HDAC9: variants seen among roughly 807,000 people sequenced by gnomAD.
HDAC9 encodes the protein MEF-2 interacting transcription repressor (MITR) protein.
Under a neutral mutation model 139.4 loss-of-function variants are expected in HDAC9, and 41 were observed. The observed-to-expected ratio is 0.29, with a 90% CI of 0.23 to 0.38. The LOEUF is 0.38. HDAC9 is among the 10% of genes least tolerant of loss of function. The probability of loss-of-function intolerance (pLI) is 1.00; values close to 1 mark genes in which losing one functional copy is unlikely to be tolerated. For synonymous variants in HDAC9, 517 were observed against 476.2 expected (o/e 1.09, Z -1.12); for missense variants, 1,147 against 1,297.0 (o/e 0.88, Z 1.78).
chr7:18,506,682 A>G (rs576393032), intron 2 of HDAC9, among the ~76,000 whole-genome samples: 1 of 152,306 alleles, frequency 6.6e-6, no homozygotes, highest in Admixed American at 6.5e-5. Context: ...GAAAAAGGCA[A>G]GTATACATCA....
At chr7:18,920,672 A>T (rs1177062544) in intron 22 of HDAC9, among the ~76,000 whole-genome samples, 1 of 152,114 alleles carries the variant, frequency 6.6e-6, no homozygotes. Flanking sequence ...TGTCCCATCA[A>T]TACCTAATTT....
Position 18,836,806 on chromosome 7 carries a change from T to A in HDAC9, c.2684+809T>A, listed in dbSNP as rs7802878. Among the ~76,000 whole-genome samples the A allele has an allele frequency of 7.3e-3, 1,111 of 152,126 alleles. 16 individuals carry two copies. The highest frequency in any genetic ancestry group is 0.026 in the African/African-American group (1,059 of 41,526). On this transcript the variant is annotated intron_variant, in intron 21 of 25. Coordinates refer to ENST00000686413, the MANE Select transcript of HDAC9 (RefSeq NM_178425.4). ...ACCTGAGGAGCCTCCCTTGCAAGAT[T>A]TTTGGAAGAGGTTTTAGCCTATTGG... is the stretch of plus-strand genomic sequence containing the variant.
intron 2 of HDAC9, among the ~76,000 whole-genome samples, chr7:18,544,383 G>A (rs979988085): frequency 6.6e-6 from 1 of 152,200 alleles, no homozygotes; most frequent in Non-Finnish European, 1.5e-5. Context: ...GTTTAAGAAT[G>A]AAAACATGTT....
intron 2 of HDAC9, among the ~76,000 whole-genome samples, chr7:18,570,905 T>C (rs890613728): frequency 1.3e-5 from 2 of 152,248 alleles, no homozygotes; most frequent in African/African-American, 2.4e-5. Context: ...CTGTTACTCT[T>C]TGTGCTTACC....
chr7:18,547,382 C>A (rs1206407709), intron 2 of HDAC9, among the ~76,000 whole-genome samples: 1 of 152,160 alleles, frequency 6.6e-6, no homozygotes, highest in African/African-American at 2.4e-5. Flanking sequence ...ACTACAGGCA[C>A]CTGCAACCCC....
chr7:18,886,270 G>A (rs1800143332), intron 22 of HDAC9, among the ~76,000 whole-genome samples: 1 of 152,126 alleles, frequency 6.6e-6, no homozygotes, highest in Non-Finnish European at 1.5e-5. Context: ...TTTAGTTACT[G>A]ATGTCATGAA....
chr7:18,976,044 C>A, intron 25 of HDAC9, 91 bp downstream of exon 25: 1 of 1,324,802 alleles, frequency 7.5e-7, no homozygotes, highest in Non-Finnish European at 1.0e-6. Context: ...TTTCCTTCAC[C>A]TGTCTCCTCC....
chr7:18,217,799 A>G (rs2128173123), intron 2 of HDAC9, among the ~76,000 whole-genome samples: 1 of 152,312 alleles, frequency 6.6e-6, no homozygotes, highest in South Asian at 2.1e-4. Context: ...CTATGTAACA[A>G]TTACCCTAAA....
intron 1 of HDAC9, among the ~76,000 whole-genome samples, chr7:18,114,933 A>G (rs1168470358): frequency 6.6e-6 from 1 of 152,192 alleles, no homozygotes; most frequent in Non-Finnish European, 1.5e-5. Context: ...ATTTAAGGCA[A>G]CCATTTGTTC....
intron 1 of HDAC9, among the ~76,000 whole-genome samples, chr7:18,408,192 G>C (rs1562959352): frequency 6.6e-6 from 1 of 152,094 alleles, no homozygotes; most frequent in Non-Finnish European, 1.5e-5. Flanking sequence ...AGCAAATATT[G>C]AAGAACCAAC....
At chr7:18,596,417 G>A (rs1366321017) in intron 6 of HDAC9, among the ~76,000 whole-genome samples, 1 of 152,064 alleles carries the variant, frequency 6.6e-6, no homozygotes. Context: ...TCCATTTGGT[G>A]TATTTCCAAT....
At chr7:18,762,826 T>C (rs1205822163) in intron 15 of HDAC9, among the ~76,000 whole-genome samples, 1 of 152,164 alleles carries the variant, frequency 6.6e-6, no homozygotes, top group East Asian at 1.9e-4. Context: ...AGAAAACTAA[T>C]AAACAGTTTT....
intron 2 of HDAC9, among the ~76,000 whole-genome samples, chr7:18,558,532 A>C (rs924088496): frequency 1.3e-5 from 2 of 152,154 alleles, no homozygotes; most frequent in South Asian, 4.1e-4. Flanking sequence ...GGTTCTGATA[A>C]TGCTTGGTTC....
rs564033970 is a variant in HDAC9 at position 18,428,129 on chromosome 7, C to A, written c.-41-68133C>A. On this transcript the variant is annotated intron_variant, in intron 1 of 3. Transcript: ENST00000413509. Reference sequence around the variant, plus strand: ...ATACCACATTTTAAAAATGTACATTCATCTGTCAGTGTACATTTATATTTT... The same window carrying A: ...ATACCACATTTTAAAAATGTACATTAATCTGTCAGTGTACATTTATATTTT... Among the ~76,000 whole-genome samples, 20 of 152,234 alleles carry A rather than the reference C, an allele frequency of 1.3e-4. 1 individual carries two copies. The East Asian group carries it at 3.1e-3, about 23-fold the overall frequency.
Position 18,523,746 on chromosome 7 carries a change from A to C in HDAC9, c.22+27422A>C, listed in dbSNP as rs113851296. On this transcript the variant is annotated intron_variant, in intron 2 of 25. Coordinates refer to ENST00000686413, the MANE Select transcript of HDAC9 (RefSeq NM_178425.4). ...AGAGAAAGGTGGTTCATGAGTTGGG[A>C]GAGAAAGGTGCACCATCACATAGAG... Among the ~76,000 whole-genome samples, 501 of 152,274 alleles carry C rather than the reference A, an allele frequency of 3.3e-3. 3 individuals are homozygous for C. The highest frequency in any genetic ancestry group is 0.011 in the African/African-American group (472 of 41,556).
At chr7:18,728,094 G>T (rs750261022) in intron 13 of HDAC9, among the ~76,000 whole-genome samples, 1 of 152,154 alleles carries the variant, frequency 6.6e-6, no homozygotes, top group Non-Finnish European at 1.5e-5. Context: ...CTAGGAAATT[G>T]ATGATGCTTG....
At chr7:18,684,788 G>A (rs1782148242) in intron 12 of HDAC9, among the ~76,000 whole-genome samples, 1 of 151,894 alleles carries the variant, frequency 6.6e-6, no homozygotes, top group African/African-American at 2.4e-5. Context: ...ATATGTATAT[G>A]TATATTTATG....
intron 2 of HDAC9, among the ~76,000 whole-genome samples, chr7:18,560,296 G>A (rs940995442): frequency 1.3e-5 from 2 of 152,188 alleles, no homozygotes; most frequent in Admixed American, 6.5e-5. Context: ...ACCTCTAGGA[G>A]TTGTGAGAAT....
At chr7:18,146,120 G>A (rs1584317052) in intron 1 of HDAC9, among the ~76,000 whole-genome samples, 3 of 152,166 alleles carry the variant, frequency 2.0e-5, no homozygotes, top group Non-Finnish European at 4.4e-5. Flanking sequence ...ACCCTATCAA[G>A]TAATTCCAGA....
Sources: allele counts gnomAD v4.1 joint callset (sites outside exome capture counted in the v4.1 genomes callset), GRCh38; gene constraint gnomAD v4.1.1; transcripts MANE v1.5; gene names NCBI Gene and HGNC (gene_info 2026-07-23, HGNC 2026-07-21).